Variants in TTN observed in about 807,000 individuals in gnomAD.
The protein encoded by TTN is connectin.
TTN carries 1,525 observed loss-of-function variants against 3,223.0 expected under a neutral mutation model. The observed-to-expected ratio is 0.47, with a 90% CI of 0.45 to 0.49. The LOEUF is 0.49. Ranked by LOEUF, TTN falls within the 20% of genes least tolerant of loss-of-function variation. TTN has a pLI of 0.00. For synonymous variants in TTN, 14,094 were observed against 15,161.0 expected, an observed-to-expected ratio of 0.93 and a Z score of 5.17; for missense variants, 40,786 against 43,424.0, an observed-to-expected ratio of 0.94 and a Z score of 5.40.
chr2:178,729,627 G>C, intron 63 of TTN, 37 bp downstream of exon 63: 1 of 1,613,494 alleles, frequency 6.2e-7, no homozygotes, highest in Non-Finnish European at 8.5e-7. Flanking sequence ...TTATCAGGCA[G>C]CACAGCCAAA....
In TTN at chr2:178,729,317, C is replaced by T. The variant is rs768034029; in HGVS notation, c.18839G>A (p.Cys6280Tyr). 1 of 1,611,436 alleles carries T rather than the reference C, an allele frequency of 6.2e-7. No individual in the cohort carries two copies. Among genetic ancestry groups the T allele is most frequent in the Non-Finnish European group, 8.5e-7 (1 of 1,178,250 alleles). ...QCIVSNEGGS[C>Y]SCSTRVALKE... ...CAGGGCAACTCTAGTACTGCATGAG[C>T]AGCTGCCGCCTTCATTGGATACAAT... The change falls in exon 64 of 363, where the codon TGC becomes TAC. Residue 6280 changes from cysteine to tyrosine, a missense_variant. Physicochemically the swap from Cys to Tyr is radical, Grantham distance 194. Transcript: ENST00000589042.
chr2:178,649,499 A>G, intron 212 of TTN, 55 bp downstream of exon 212: 2 of 1,507,730 alleles, frequency 1.3e-6, no homozygotes, highest in South Asian at 2.5e-5. Context: ...ATTGGATTCC[A>G]CTTTAAGATA....
In TTN at chr2:178,634,605, G is replaced by T. The variant is rs1173536699; in HGVS notation, c.42176C>A (p.Pro14059His). Residue 14059 changes from proline to histidine, a missense_variant, in exon 230 of 363, where the codon CCC (proline) becomes CAC (histidine). Transcript: ENST00000589042. This position sits in a 1 kb window ranked among gnomAD's most constrained non-coding sequence, Gnocchi z 4.6. ...VKEIELDFAV[P>H]LKDVTVPERR... Reference sequence around the variant, plus strand: ...TTCTGGAACAGTGACATCCTTCAGGGGCACAGCAAAGTCAAGTTCGATTTC... The same window carrying T: ...TTCTGGAACAGTGACATCCTTCAGGTGCACAGCAAAGTCAAGTTCGATTTC... The T allele has an allele frequency of 6.2e-7, 1 of 1,613,008 alleles. No homozygotes were observed. The highest frequency in any genetic ancestry group is 1.3e-5 in the African/African-American group (1 of 74,786).
In TTN at chr2:178,553,571, C is replaced by G; in HGVS notation, c.89434G>C (p.Ala29812Pro). 1 of 1,613,894 alleles carries G rather than the reference C, an allele frequency of 6.2e-7. No individual in the cohort carries two copies. The highest frequency in any genetic ancestry group is 8.5e-7 in the Non-Finnish European group (1 of 1,179,814). Residue 29812 changes from alanine to proline, a missense_variant, in exon 334 of 363, where the codon GCT becomes CCT. Coordinates refer to ENST00000589042, the MANE Select transcript of TTN (RefSeq NM_001267550.2). ...PGVNYYFRVS[A>P]VNCAGQGEPI... ...TCTCCTTGTCCAGCACAGTTTACAG[C>G]AGATACCCGGAAGTAGTAATTGACT... is the stretch of plus-strand genomic sequence containing the variant.
rs201688358 is a variant in TTN at position 178,560,387 on chromosome 2, A to T, written c.85745T>A (p.Ile28582Lys). 1.9e-5 allele frequency: 30 copies of T among 1,613,498 alleles called. No individual in the cohort carries two copies. In the African/African-American group the frequency reaches 3.9e-4, roughly 21 times the overall value. ...TCGCCTTTCAATTATATATCCAGAT[A>T]TTTCACTACCTCCATCACTCTCGGG... ...SRPESDGGSE[I>K]SGYIIERREK... The change falls in exon 326 of 363, where the codon ATA becomes AAA. Residue 28582 changes from isoleucine to lysine, a missense_variant. Transcript: ENST00000589042.
chr2:178,783,994 T>A, intron 16 of TTN, 76 bp downstream of exon 16: 1 of 1,605,066 alleles, frequency 6.2e-7, no homozygotes, highest in Non-Finnish European at 8.5e-7. Context: ...TGGCTACTTT[T>A]CAGTACAAAC....
At position 178,713,987 on chromosome 2, in the gene TTN, T is replaced by G; in HGVS notation, c.26671A>C (p.Asn8891His). Residue 8891 changes from asparagine (N) to histidine (H), a missense_variant, in exon 92 of 363, where the codon AAT becomes CAT. By Grantham distance (68) the Asn-to-His change is moderately conservative. Coordinates refer to ENST00000589042, the MANE Select transcript of TTN (RefSeq NM_001267550.2). ...FNKVSGLKII[N>H]VAPSDSGVYS... is the part of the protein sequence containing the mutation. ...ACCCCACTGTCACTCGGTGCTACAT[T>G]GATGATCTTAAGGCCGGATACTTTG... 6.2e-7 allele frequency: 1 copy of G among 1,613,664 alleles called. No homozygotes were observed. The highest frequency in any genetic ancestry group is 1.1e-5 in the South Asian group (1 of 91,066).
In TTN at chr2:178,733,518, C is replaced by A. The variant is rs869312094; in HGVS notation, c.15776-1G>T. The stretch of plus-strand genomic sequence containing the variant: ...GCTCGCTCAATGATTTTGGCAGGTT[C>A]TACAATGGTATGAAATAGTTAGCAC... On this transcript the variant is annotated splice_acceptor_variant, in intron 53 of 362. Coordinates refer to ENST00000589042, the MANE Select transcript of TTN (RefSeq NM_001267550.2). LOFTEE classifies it high-confidence loss of function. 6.8e-6 allele frequency: 11 copies of A among 1,608,360 alleles called. No homozygotes were observed. The highest frequency in any genetic ancestry group is 9.4e-6 in the Non-Finnish European group (11 of 1,176,266).
chr2:178,600,087 A>G (rs2052908641), intron 288 of TTN, among the ~76,000 whole-genome samples: 1 of 151,834 alleles, frequency 6.6e-6, no homozygotes, highest in African/African-American at 2.4e-5. Flanking sequence ...GCCTCACTTT[A>G]TTTGGCATCA....
Position 178,724,495 on chromosome 2 carries a change from A to T in TTN, c.20880T>A (p.Thr6960=), listed in dbSNP as rs1466462241. The part of the protein sequence containing the change: ...IVEKAGPMTV[T]VGETCTLECK... ...ACTCCAGAGTGCACGTTTCTCCTAC[A>T]GTCACCGTCATCGGTCCTGCCTTCT... is the stretch of plus-strand genomic sequence containing the variant. The change falls in exon 72 of 363, where the codon ACT becomes ACA. Residue 6960 remains threonine (T), a synonymous_variant. Coordinates refer to ENST00000589042, the MANE Select transcript of TTN (RefSeq NM_001267550.2). The T allele has an allele frequency of 1.2e-6, 2 of 1,608,432 alleles. No homozygotes were observed. The highest frequency in any genetic ancestry group is 2.2e-5 in the South Asian group (2 of 90,806).
intron 288 of TTN, chr2:178,600,410 C>CATATATATATATATATAT (rs10684593): frequency 3.5e-5 from 5 of 142,244 alleles, no homozygotes; most frequent in East Asian, 1.8e-4. Context: ...GAATTATTAC[C>CATATATATATATATATAT]ATATATATAT....
intron 127 of TTN, among the ~76,000 whole-genome samples, chr2:178,686,516 C>A (rs2070973099): frequency 6.6e-6 from 1 of 152,146 alleles, no homozygotes; most frequent in African/African-American, 2.4e-5. Context: ...CTCCTGGGTT[C>A]AAATGATCCT....
rs1213182154 is a variant in TTN at position 178,724,493 on chromosome 2, A to C, written c.20882T>G (p.Val6961Gly). ...VEKAGPMTVTVGETCTLECKV... is the reference protein window; with the variant it reads ...VEKAGPMTVTGGETCTLECKV... ...ACACTCCAGAGTGCACGTTTCTCCT[A>C]CAGTCACCGTCATCGGTCCTGCCTT... Residue 6961 changes from valine to glycine, a missense_variant, in exon 72 of 363, where the codon GTA becomes GGA. Physicochemically the swap from Val to Gly is moderately radical, Grantham distance 109. Coordinates refer to ENST00000589042, the MANE Select transcript of TTN (RefSeq NM_001267550.2). The C allele has an allele frequency of 6.2e-7, 1 of 1,608,686 alleles. No individual in the cohort carries two copies. Among genetic ancestry groups the C allele is most frequent in the Non-Finnish European group, 8.5e-7 (1 of 1,175,904 alleles).
In TTN at chr2:178,549,397, T is replaced by G; in HGVS notation, c.92229A>C (p.Pro30743=). 6.2e-7 allele frequency: 1 copy of G among 1,613,836 alleles called. No homozygotes were observed. ...GAATTTCACTGCCACCATCTGATTC[T>G]GGCCTTGCCCATGTCAGGGTAATGC... ...GNSITLTWAR[P]ESDGGSEIQQ... The change falls in exon 339 of 363, where the codon CCA becomes CCC. Residue 30743 remains proline (P), a synonymous_variant. Transcript: ENST00000589042.
At chr2:178,608,117 G>C in intron 275 of TTN, 36 bp from the exon 276 acceptor site, 6 of 1,606,280 alleles carry the variant, frequency 3.7e-6, no homozygotes, top group Non-Finnish European at 5.1e-6. Context: ...CAAACTCCCT[G>C]ATGGTTTTAA....
Position 178,632,796 on chromosome 2 carries a change from A to G in TTN, c.43214-4T>C. The G allele has an allele frequency of 6.2e-7, 1 of 1,612,988 alleles. No individual in the cohort carries two copies. Among genetic ancestry groups the G allele is most frequent in the Non-Finnish European group, 8.5e-7 (1 of 1,179,466 alleles). Reference sequence around the variant, plus strand: ...GTGATGAAGATAAGAGGCAATTCTGAAAGAAGTGGACAGTGGATGAAGTCA... The same window carrying G: ...GTGATGAAGATAAGAGGCAATTCTGGAAGAAGTGGACAGTGGATGAAGTCA... On this transcript the variant is annotated splice_polypyrimidine_tract_variant and splice_region_variant and intron_variant, in intron 234 of 362. Transcript: ENST00000589042.
chr2:178,617,271 C>CAGTT, intron 254 of TTN, 37 bp from the exon 255 acceptor site: 2 of 1,538,472 alleles, frequency 1.3e-6, no homozygotes, highest in Non-Finnish European at 1.7e-6. Context: ...AAAACACATA[C>CAGTT]AGTTATGTCC....
At chr2:178,618,128 G>A (rs779691361) in intron 252 of TTN, 47 bp from the exon 253 acceptor site, 30 of 1,610,256 alleles carry the variant, frequency 1.9e-5, no homozygotes, top group East Asian at 1.1e-4. Flanking sequence ...GGGTAACGAT[G>A]ATGAAGGCAA....
At position 178,679,590 on chromosome 2, in the gene TTN, G is replaced by C. The variant is rs1040550757; in HGVS notation, c.33664+9C>G. On this transcript the variant is annotated intron_variant, in intron 141 of 362. Coordinates refer to ENST00000589042, the MANE Select transcript of TTN (RefSeq NM_001267550.2). Reference sequence around the variant, plus strand: ...TCTCTTAGATACCCGTCAATGAATGGTGGTGTACCTTTTGCCGGTGGAGCT... The same window carrying C: ...TCTCTTAGATACCCGTCAATGAATGCTGGTGTACCTTTTGCCGGTGGAGCT... 5.0e-6 allele frequency: 8 copies of C among 1,609,210 alleles called. No homozygotes were observed. Among genetic ancestry groups the C allele is most frequent in the Non-Finnish European group, 6.8e-6 (8 of 1,178,324 alleles).
Sources: gnomAD v4.1 joint callset for allele counts (sites outside exome capture counted in the v4.1 genomes callset) on GRCh38, gnomAD v4.1.1 for gene constraint, Gnocchi (gnomAD v3.1) non-coding constraint, MANE v1.5 for transcripts, NCBI Gene and HGNC (gene_info 2026-07-23, HGNC 2026-07-21) for gene names.